RNF13: variants seen among roughly 807,000 people sequenced by gnomAD.
The protein encoded by RNF13 is ring finger protein 13, also known as E3 ubiquitin-protein ligase RNF13.
Under a neutral mutation model 37.7 loss-of-function variants are expected in RNF13, and 19 were observed. The observed-to-expected ratio is 0.50, with a 90% CI of 0.35 to 0.74. RNF13 has a LOEUF of 0.74. RNF13 is among the 30% of genes least tolerant of loss of function. The pLI, the probability that RNF13 is intolerant of heterozygous loss-of-function variation, is 0.01. For synonymous variants in RNF13, 144 were observed against 157.8 expected, an observed-to-expected ratio of 0.91 and a Z score of 0.65; for missense variants, 375 against 453.0, an observed-to-expected ratio of 0.83 and a Z score of 1.56.
chr3:149,912,882 G>A (rs1322154328), intron 7 of RNF13, among the ~76,000 whole-genome samples: 2 of 152,014 alleles, frequency 1.3e-5, no homozygotes, highest in African/African-American at 2.4e-5. Context: ...TCTTAGAGGT[G>A]TACAGTAAAA....
intron 8 of RNF13, among the ~76,000 whole-genome samples, chr3:149,933,294 T>A (rs1719345981): frequency 6.6e-6 from 1 of 151,490 alleles, no homozygotes; most frequent in South Asian, 2.1e-4. Context: ...TCTTGGATAT[T>A]AGCACTTGGC....
Position 149,882,366 on chromosome 3 carries a change from G to T in RNF13, c.321+10212G>T, listed in dbSNP as rs1237864898. 5.3e-5 allele frequency among the ~76,000 whole-genome samples: 8 copies of T among 152,100 alleles called. No homozygotes were observed. In the East Asian group the frequency reaches 1.5e-3, roughly 29 times the overall value. On this transcript the variant is annotated intron_variant, in intron 4 of 9. Coordinates refer to ENST00000392894, the MANE Select transcript of RNF13 (RefSeq NM_183381.3). ...TTTGACTTATATATTGCTGGATAGG[G>T]CTGGATAATCAGTTACCTTAGTTGC...
chr3:149,915,822 G>A (rs576631284), intron 7 of RNF13, among the ~76,000 whole-genome samples: 1 of 152,272 alleles, frequency 6.6e-6, no homozygotes, highest in South Asian at 2.1e-4. Flanking sequence ...TAGAATGGTG[G>A]TTGCCAGGGA....
At chr3:149,823,199 C>T (rs896016870) in intron 1 of RNF13, among the ~76,000 whole-genome samples, 1 of 152,048 alleles carries the variant, frequency 6.6e-6, no homozygotes, top group Non-Finnish European at 1.5e-5. Context: ...GTGTTAGGCA[C>T]TGTTTTAAGC....
At chr3:149,890,313 C>G (rs1281630615) in intron 4 of RNF13, among the ~76,000 whole-genome samples, 1 of 152,158 alleles carries the variant, frequency 6.6e-6, no homozygotes, top group African/African-American at 2.4e-5. Flanking sequence ...ATTCAAGTGC[C>G]TACTGTGAAC....
At chr3:149,939,910 T>G (rs745936214) in intron 8 of RNF13, 3 of 300,226 alleles carry the variant, frequency 1.0e-5, no homozygotes, top group Non-Finnish European at 1.9e-5. Context: ...TCTTCATATT[T>G]AAAGTGGGTT....
chr3:149,892,397 G>C (rs1714803418), intron 4 of RNF13, among the ~76,000 whole-genome samples: 1 of 152,198 alleles, frequency 6.6e-6, no homozygotes, highest in African/African-American at 2.4e-5. Context: ...TAATTTGAGA[G>C]TGAGAAAGCC....
At chr3:149,919,177 A>G (rs1717864090) in intron 7 of RNF13, among the ~76,000 whole-genome samples, 1 of 152,330 alleles carries the variant, frequency 6.6e-6, no homozygotes, top group Middle Eastern at 3.4e-3. Context: ...ATAATAAATT[A>G]CACATATTTA....
chr3:149,847,015 A>G (rs934468886), intron 2 of RNF13, among the ~76,000 whole-genome samples: 38 of 152,160 alleles, frequency 2.5e-4, no homozygotes, highest in Admixed American at 7.2e-4. Flanking sequence ...TGGGGAGTAT[A>G]CAGATGGTCT....
intron 1 of RNF13, among the ~76,000 whole-genome samples, chr3:149,827,172 C>T (rs938462367): frequency 2.0e-5 from 3 of 152,148 alleles, no homozygotes; most frequent in Non-Finnish European, 2.9e-5. Flanking sequence ...ATGGTTGCAT[C>T]TGTACTAAAC....
At chr3:149,857,019 A>AT (rs772499434) in intron 3 of RNF13, among the ~76,000 whole-genome samples, 1 of 152,142 alleles carries the variant, frequency 6.6e-6, no homozygotes, top group African/African-American at 2.4e-5. Flanking sequence ...AAGTGCTGGG[A>AT]TACAGGCGTG....
At chr3:149,845,513 T>C (rs1231110974) in intron 1 of RNF13, among the ~76,000 whole-genome samples, 1 of 152,174 alleles carries the variant, frequency 6.6e-6, no homozygotes, top group Admixed American at 6.5e-5. Context: ...TCCTTTATTA[T>C]AAGTGGCTGT....
At position 149,902,548 on chromosome 3, in the gene RNF13, T is replaced by C. The variant is rs1715953132; in HGVS notation, c.500+386T>C. Among the ~76,000 whole-genome samples, 5 of 152,182 alleles carry C rather than the reference T, an allele frequency of 3.3e-5. No homozygotes were observed. In the South Asian group the frequency reaches 8.3e-4, roughly 25 times the overall value. ...ATTATAAACACAGAATCCAAAACAT[T>C]GTGTTAAGGGACTAACATTTACAAA... is the stretch of plus-strand genomic sequence containing the variant. On this transcript the variant is annotated intron_variant, in intron 6 of 9. Transcript: ENST00000392894.
At chr3:149,951,377 C>T (rs903758069) in intron 8 of RNF13, among the ~76,000 whole-genome samples, 1 of 152,166 alleles carries the variant, frequency 6.6e-6, no homozygotes, top group Non-Finnish European at 1.5e-5. Flanking sequence ...GGCTATGGTT[C>T]CTAAGAAATC....
intron 3 of RNF13, among the ~76,000 whole-genome samples, chr3:149,862,593 TTTG>T (rs1374915021): frequency 6.6e-6 from 1 of 152,208 alleles, no homozygotes; most frequent in African/African-American, 2.4e-5. Flanking sequence ...ATTTGAAATT[TTTG>T]TTATTACATA....
intron 8 of RNF13, among the ~76,000 whole-genome samples, chr3:149,922,062 C>T (rs1170549590): frequency 6.6e-6 from 1 of 152,080 alleles, no homozygotes; most frequent in Non-Finnish European, 1.5e-5. Context: ...CAGCCTCCGC[C>T]CCCCAGGTTC....
intron 8 of RNF13, among the ~76,000 whole-genome samples, chr3:149,922,638 ATAGG>A (rs1340883937): frequency 6.6e-6 from 1 of 152,166 alleles, no homozygotes; most frequent in Non-Finnish European, 1.5e-5. Context: ...AACTAAACAC[ATAGG>A]TAGGTAGCTG....
intron 3 of RNF13, among the ~76,000 whole-genome samples, chr3:149,853,354 C>A (rs1349129399): frequency 1.3e-5 from 2 of 151,826 alleles, no homozygotes; most frequent in African/African-American, 4.8e-5. Flanking sequence ...TTTCCCTATA[C>A]CCTCTTAAAT....
chr3:149,922,492 G>A (rs903713706), intron 8 of RNF13, among the ~76,000 whole-genome samples: 6 of 152,184 alleles, frequency 3.9e-5, no homozygotes, highest in African/African-American at 1.2e-4. Context: ...CAAAATGCTT[G>A]TAAATATTAT....
Sources: gnomAD v4.1 joint callset for allele counts (sites outside exome capture counted in the v4.1 genomes callset) on GRCh38, gnomAD v4.1.1 for gene constraint, MANE v1.5 for transcripts, NCBI Gene and HGNC (gene_info 2026-07-23, HGNC 2026-07-21) for gene names.